SEPTIN12: variants seen among roughly 807,000 people sequenced by gnomAD.
The protein encoded by SEPTIN12 is septin-12.
SEPTIN12 carries 42 observed loss-of-function variants against 37.7 expected under a neutral mutation model. The observed-to-expected ratio is 1.11, with a 90% confidence interval of 0.87 to 1.44. The LOEUF (loss-of-function observed/expected upper bound fraction) is 1.44, where lower values mean the gene tolerates loss of function less well. Ranked by LOEUF, SEPTIN12 falls within the 40% of genes most tolerant of loss-of-function variation. SEPTIN12 has a pLI of 0.00. For synonymous variants in SEPTIN12, 254 were observed against 196.7 expected, an observed-to-expected ratio of 1.29 and a Z score of -2.44; for missense variants, 613 against 479.2, an observed-to-expected ratio of 1.28 and a Z score of -2.61.
chr16:4,783,594 C>T, intron 6 of SEPTIN12, 37 bp from the exon 7 acceptor site: 1 of 1,610,908 alleles, frequency 6.2e-7, no homozygotes, highest in Non-Finnish European at 8.5e-7. Flanking sequence ...GCCCACCCTG[C>T]CCACTCTGCC....
Position 4,786,089 on chromosome 16 carries a change from G to T in SEPTIN12, c.183C>A (p.Gly61=), listed in dbSNP as rs1184086054. ...ACAGCGTGTTCACCATCGTGGACTT[G>T]CCCAGCCCGCTTTGCCCTGGGAGTG... ...NIMVVGQSGL[G]KSTMVNTLFK... is the part of the protein sequence containing the mutation. Residue 61 remains glycine (G), a synonymous_variant, in exon 3 of 10, where the codon GGC becomes GGA. Transcript: ENST00000268231. The T allele has an allele frequency of 5.0e-6, 8 of 1,609,556 alleles. No homozygotes were observed. Among genetic ancestry groups the T allele is most frequent in the Non-Finnish European group, 6.8e-6 (8 of 1,177,192 alleles).
intron 8 of SEPTIN12, among the ~76,000 whole-genome samples, 161 bp from the exon 9 acceptor site, chr16:4,778,298 T>C (rs2082335800): frequency 1.3e-5 from 2 of 152,230 alleles, no homozygotes; most frequent in Admixed American, 6.5e-5. Flanking sequence ...TCACCCACTG[T>C]TGTGTTCCCA....
chr16:4,779,450 G>A (rs932711924), intron 8 of SEPTIN12, among the ~76,000 whole-genome samples: 2 of 152,158 alleles, frequency 1.3e-5, no homozygotes, highest in Non-Finnish European at 2.9e-5. Context: ...GGTTCTCCCC[G>A]CTCCAACACC....
At chr16:4,778,165 G>A in intron 8 of SEPTIN12, 28 bp from the exon 9 acceptor site, 6 of 1,612,864 alleles carry the variant, frequency 3.7e-6, no homozygotes, top group African/African-American at 2.7e-5. Context: ...CAGTATGGGC[G>A]CTGCTTAGTG....
chr16:4,784,328 G>A, intron 4 of SEPTIN12: 1 of 490,456 alleles, frequency 2.0e-6, no homozygotes, highest in African/African-American at 1.9e-5. Flanking sequence ...AGGGAGGGGT[G>A]AGCATTAACT....
At chr16:4,788,980 C>T (rs116655539), upstream of SEPTIN12, among the ~76,000 whole-genome samples, 2,357 of 152,292 alleles carry the variant, frequency 0.015, 55 homozygotes, top group African/African-American at 0.053. Context: ...AGACTGTGGT[C>T]CTCACCCCTG....
At chr16:4,778,059 CT>C in intron 9 of SEPTIN12, 26 bp downstream of exon 9, 1 of 1,613,894 alleles carries the variant, frequency 6.2e-7, no homozygotes, top group Non-Finnish European at 8.5e-7. Flanking sequence ...CGCCAGCCCC[CT>C]AGCCCCAGGC....
chr16:4,779,080 G>C (rs903043350), intron 8 of SEPTIN12, among the ~76,000 whole-genome samples: 4 of 152,142 alleles, frequency 2.6e-5, no homozygotes, highest in Non-Finnish European at 5.9e-5. Context: ...GGAGGTTGCA[G>C]TGAGCCGAGA....
intron 4 of SEPTIN12, among the ~76,000 whole-genome samples, chr16:4,784,793 A>ATAAC: frequency 6.6e-6 from 1 of 150,922 alleles, no homozygotes; most frequent in Non-Finnish European, 1.5e-5. Flanking sequence ...AAATAAATAA[A>ATAAC]TAAATAAATA....
chr16:4,777,668 C>T lies in SEPTIN12; in HGVS notation c.*129G>A, dbSNP rs2082325598. On this transcript the variant is annotated 3_prime_UTR_variant, in exon 10 of 10. Coordinates refer to ENST00000268231, the MANE Select transcript of SEPTIN12 (RefSeq NM_144605.5). ...CTCAAAGAAGTCATTTACAAAATGCCTTTTGTTTTCAAAGCACAGCTTTTC... is the reference window on the plus strand; with the variant it reads ...CTCAAAGAAGTCATTTACAAAATGCTTTTTGTTTTCAAAGCACAGCTTTTC... The T allele has an allele frequency of 1.4e-6, 1 of 736,586 alleles. No homozygotes were observed. Among genetic ancestry groups the T allele is most frequent in the African/African-American group, 1.8e-5 (1 of 56,338 alleles). 45.6% of individuals were successfully genotyped at this position (736,586 alleles called of 1,614,324 possible).
Position 4,787,610 on chromosome 16 carries a change from C to G in SEPTIN12, c.36G>C (p.Leu12=), listed in dbSNP as rs1489270424. Residue 12 remains leucine, a synonymous_variant, in exon 2 of 10, where the codon CTG becomes CTC. Coordinates refer to ENST00000268231, the MANE Select transcript of SEPTIN12 (RefSeq NM_144605.5). ...DPLRRSPSPC[L]SSQPSSPSTP... Reference sequence around the variant, plus strand: ...TGCTGGGGCTGGAGGGCTGCGAGGACAGGCAGGGAGAGGGGGAGCGCCTCA... The same window carrying G: ...TGCTGGGGCTGGAGGGCTGCGAGGAGAGGCAGGGAGAGGGGGAGCGCCTCA... The G allele has an allele frequency of 2.5e-6, 4 of 1,602,884 alleles. No homozygotes were observed. Among genetic ancestry groups the G allele is most frequent in the African/African-American group, 2.7e-5 (2 of 74,896 alleles).
intron 7 of SEPTIN12, among the ~76,000 whole-genome samples, chr16:4,783,140 C>G (rs779267875): frequency 6.6e-6 from 1 of 152,132 alleles, no homozygotes; most frequent in African/African-American, 2.4e-5. Flanking sequence ...AACTCCTGAC[C>G]TCAAGCGATC....
chr16:4,777,752 C>A lies in SEPTIN12; in HGVS notation c.*45G>T. ...TGGTACATAGGTGTGTGTTGAGAGC[C>A]GCTGGGGACTCAGGAAGCCCAGCAG... On this transcript the variant is annotated 3_prime_UTR_variant, in exon 10 of 10. Coordinates refer to ENST00000268231, the MANE Select transcript of SEPTIN12 (RefSeq NM_144605.5). 13 of 1,342,400 alleles carry A rather than the reference C, an allele frequency of 9.7e-6. No individual in the cohort carries two copies. The highest frequency in any genetic ancestry group is 1.3e-5 in the Non-Finnish European group (13 of 993,986). The allele number at this position is 1,342,400 out of a possible 1,614,324, so 83.2% of individuals were successfully genotyped here.
chr16:4,780,281 G>A (rs1384886655), intron 7 of SEPTIN12, among the ~76,000 whole-genome samples: 2 of 148,630 alleles, frequency 1.3e-5, no homozygotes, highest in African/African-American at 4.9e-5. Context: ...GTAGAGATGA[G>A]TTCTCTGTGT....
upstream of SEPTIN12, among the ~76,000 whole-genome samples, chr16:4,790,774 G>C (rs2082539166): frequency 6.6e-6 from 1 of 152,202 alleles, no homozygotes; most frequent in Non-Finnish European, 1.5e-5. Flanking sequence ...GGGCGACAGA[G>C]TAAGACCCTA....
In SEPTIN12 at chr16:4,777,986, T is replaced by G; in HGVS notation, c.888A>C (p.Gln296His). ...LRDLLIRSHL[Q>H]DLKDITHNIH... ...TGTTGTGGGTTATGTCCTTCAGGTC[T>G]TGGAGGTGGGAGCTGGGGGACCGGA... The change falls in exon 10 of 10, where the codon CAA becomes CAC. Residue 296 changes from glutamine (Q) to histidine (H), a missense_variant. Coordinates refer to ENST00000268231, the MANE Select transcript of SEPTIN12 (RefSeq NM_144605.5). The G allele has an allele frequency of 6.2e-7, 1 of 1,612,134 alleles. No homozygotes were observed. The highest frequency in any genetic ancestry group is 8.5e-7 in the Non-Finnish European group (1 of 1,179,142).
In SEPTIN12 at chr16:4,784,323, G is replaced by A. The variant is rs12446267; in HGVS notation, c.375-255C>T. On this transcript the variant is annotated intron_variant, in intron 4 of 9. Coordinates refer to ENST00000268231, the MANE Select transcript of SEPTIN12 (RefSeq NM_144605.5). ...TAGCACCTACGTTGCAAGTAAGGGA[G>A]GGGTGAGCATTAACTGTATTAAAGG... 0.27 allele frequency: 133,919 copies of A among 503,294 alleles called. 19,051 individuals carry two copies. The highest frequency in any genetic ancestry group is 0.4 in the South Asian group (17,926 of 44,896). The allele number at this position is 503,294 out of a possible 1,614,324, so 31.2% of individuals were successfully genotyped here. A position where few individuals can be genotyped will look rare whatever the true frequency, so the allele number is the denominator to read the frequency against.
chr16:4,784,168 G>A lies in SEPTIN12; in HGVS notation c.375-100C>T, dbSNP rs556809832. The stretch of plus-strand genomic sequence containing the variant: ...CTGGGCGGTCCTCCCTTGGGACGAC[G>A]AATCGTCCCGGTTGGCCCGGGACCT... On this transcript the variant is annotated intron_variant, in intron 4 of 9. Coordinates refer to ENST00000268231, the MANE Select transcript of SEPTIN12 (RefSeq NM_144605.5). The A allele has an allele frequency of 2.0e-4, 278 of 1,397,106 alleles. 1 individual carries two copies. The highest frequency in any genetic ancestry group is 5.7e-4 in the Middle Eastern group (3 of 5,274). 86.5% of individuals were successfully genotyped at this position (1,397,106 alleles called of 1,614,324 possible).
In SEPTIN12 at chr16:4,787,589, G is replaced by A. The variant is rs1488167674; in HGVS notation, c.57C>T (p.Pro19=). 1.9e-6 allele frequency: 3 copies of A among 1,607,008 alleles called. No individual in the cohort carries two copies. Among genetic ancestry groups the A allele is most frequent in the Non-Finnish European group, 2.5e-6 (3 of 1,179,342 alleles). ...SPCLSSQPSS[P]STPPCEMLGP... ...CAAGCATCTCGCAGGGTGGGGTGCT[G>A]GGGCTGGAGGGCTGCGAGGACAGGC... is the stretch of plus-strand genomic sequence containing the variant. The change falls in exon 2 of 10, where the codon CCC becomes CCT. Residue 19 remains proline, a synonymous_variant. Coordinates refer to ENST00000268231, the MANE Select transcript of SEPTIN12 (RefSeq NM_144605.5).
Sources: gnomAD v4.1 joint callset for allele counts (sites outside exome capture counted in the v4.1 genomes callset) on GRCh38, gnomAD v4.1.1 for gene constraint, MANE v1.5 for transcripts, NCBI Gene and HGNC (gene_info 2026-07-23, HGNC 2026-07-21) for gene names.